RBM18: variants seen among roughly 807,000 people sequenced by gnomAD.
RBM18 encodes probable RNA-binding protein 18.
RBM18 carries 18 observed loss-of-function variants against 26.4 expected under a neutral mutation model. The observed-to-expected ratio is 0.68, with a 90% confidence interval of 0.47 to 1.01. The LOEUF is 1.01. Among genes scored for constraint, RBM18 ranks in the 50% least tolerant of loss-of-function variants. The pLI, the probability that RBM18 is intolerant of heterozygous loss-of-function variation, is 0.00. For synonymous variants in RBM18, 74 were observed against 81.1 expected, an observed-to-expected ratio of 0.91 and a Z score of 0.47; for missense variants, 180 against 219.2, an observed-to-expected ratio of 0.82 and a Z score of 1.13.
chr9:122,252,065 C>T (rs1588383042), intron 2 of RBM18, 92 bp from the exon 3 acceptor site: 1 of 1,541,094 alleles, frequency 6.5e-7, no homozygotes, highest in African/African-American at 1.4e-5. Context: ...ATAATTTACC[C>T]CAGGGATGAA....
At chr9:122,263,054 G>C (rs1831842866) in intron 1 of RBM18, among the ~76,000 whole-genome samples, 1 of 152,174 alleles carries the variant, frequency 6.6e-6, no homozygotes, top group African/African-American at 2.4e-5. Context: ...TCAGAGTTCA[G>C]AAGTCCCTGC....
At chr9:122,256,419 G>A (rs1447459757) in intron 2 of RBM18, among the ~76,000 whole-genome samples, 1 of 152,048 alleles carries the variant, frequency 6.6e-6, no homozygotes. Context: ...TACGACTTTG[G>A]CATTTTACAC....
At chr9:122,254,069 C>CA (rs899725545) in intron 2 of RBM18, among the ~76,000 whole-genome samples, 6 of 150,474 alleles carry the variant, frequency 4.0e-5, no homozygotes, top group Non-Finnish European at 5.9e-5. Context: ...CACACACACA[C>CA]AAAAAAAACA....
chr9:122,254,119 T>G (rs1222812123), intron 2 of RBM18, among the ~76,000 whole-genome samples: 2 of 151,882 alleles, frequency 1.3e-5, no homozygotes, highest in Non-Finnish European at 2.9e-5. Context: ...GGTCATCTTT[T>G]CATTAGCTCC....
At chr9:122,249,494 C>T (rs1291728153) in intron 3 of RBM18, among the ~76,000 whole-genome samples, 1 of 152,102 alleles carries the variant, frequency 6.6e-6, no homozygotes, top group African/African-American at 2.4e-5. Context: ...AGGCTGGTTG[C>T]TTGAGCCCAG....
At chr9:122,260,095 C>T (rs954353858) in intron 2 of RBM18, among the ~76,000 whole-genome samples, 3 of 152,088 alleles carry the variant, frequency 2.0e-5, no homozygotes, top group African/African-American at 7.2e-5. Context: ...GTCTGTAATC[C>T]CAGCACTTTG....
chr9:122,246,170 TA>T (rs1831502763), intron 4 of RBM18, among the ~76,000 whole-genome samples: 1 of 152,202 alleles, frequency 6.6e-6, no homozygotes, highest in Non-Finnish European at 1.5e-5. Flanking sequence ...TTTATTCTTT[TA>T]AAATTTTATT....
At chr9:122,257,897 CAGGAAAGCTGGAGGA>C (rs1487992379) in intron 2 of RBM18, among the ~76,000 whole-genome samples, 5 of 152,130 alleles carry the variant, frequency 3.3e-5, no homozygotes, top group African/African-American at 1.2e-4. Flanking sequence ...TAGGTTTAAA[CAGGAAAGCTGGAGGA>C]TGCTCTGCAA....
At chr9:122,260,905 AAAGGGACATGATTTCT>A (rs1392465076) in intron 2 of RBM18, among the ~76,000 whole-genome samples, 1 of 152,186 alleles carries the variant, frequency 6.6e-6, no homozygotes, top group East Asian at 1.9e-4. Flanking sequence ...AATGAAAACC[AAAGGGACATGATTTCT>A]AAGGTTCCTT....
At chr9:122,243,718 C>T (rs1451712400) in intron 5 of RBM18, 1 of 985,062 alleles carries the variant, frequency 1.0e-6, no homozygotes, top group Non-Finnish European at 1.2e-6. Flanking sequence ...AACTAAGTTA[C>T]AAGAAAAAGA....
chr9:122,257,880 T>C (rs531970011), intron 2 of RBM18, among the ~76,000 whole-genome samples: 56 of 152,238 alleles, frequency 3.7e-4, no homozygotes, highest in Non-Finnish European at 7.4e-4. Context: ...AATTTGTGGA[T>C]AGAAGGTAGG....
Position 122,241,985 on chromosome 9 carries a change from C to T in RBM18, c.472G>A (p.Asp158Asn). The T allele has an allele frequency of 1.9e-6, 3 of 1,614,048 alleles. No individual in the cohort carries two copies. Among genetic ancestry groups the T allele is most frequent in the East Asian group, 4.5e-5 (2 of 44,866 alleles). Residue 158 changes from aspartate (D) to asparagine (N), a missense_variant, in exon 6 of 6, where the codon GAT (aspartate) becomes AAT (asparagine). Physicochemically the swap from Asp to Asn is conservative, Grantham distance 23. This residue lies in a region of RBM18 where 103 missense variants were observed against 102.8 expected (regional missense o/e 1.00). Coordinates refer to ENST00000417201, the MANE Select transcript of RBM18 (RefSeq NM_033117.4). ...ACAGGCGCTGCTGGATACTCTGCAT[C>T]AGGATTTTCCGCCATCATTTTCAGT... ...AKLKMMAENP[D>N]AEYPAAPVYS...
intron 2 of RBM18, among the ~76,000 whole-genome samples, chr9:122,253,804 T>C (rs549484356): frequency 2.1e-4 from 32 of 150,978 alleles, no homozygotes; most frequent in African/African-American, 6.6e-4. Context: ...GGTGGGTGGA[T>C]TGCCTGAGGT....
chr9:122,258,655 G>T (rs1443739803), intron 2 of RBM18, among the ~76,000 whole-genome samples: 1 of 152,008 alleles, frequency 6.6e-6, no homozygotes, highest in Non-Finnish European at 1.5e-5. Flanking sequence ...GAATCCATAG[G>T]ATGGCCAGGC....
intron 4 of RBM18, 53 bp downstream of exon 4, chr9:122,247,465 C>T (rs1487368295): frequency 1.3e-6 from 2 of 1,485,740 alleles, no homozygotes; most frequent in Admixed American, 3.3e-5. Flanking sequence ...AACCATCTTT[C>T]AGAAGGCTTG....
In RBM18 at chr9:122,247,560, C is replaced by T. The variant is rs545341749; in HGVS notation, c.285G>A (p.Leu95=). Residue 95 remains leucine, a synonymous_variant, in exon 4 of 6, where the codon CTG becomes CTA. Coordinates refer to ENST00000417201, the MANE Select transcript of RBM18 (RefSeq NM_033117.4). ...AIQCLNGKLA[L]SKKLVVRWAH... Reference sequence around the variant, plus strand: ...CCCATCGCACCACCAGCTTCTTGGACAGGGCCAACTTGCCATTGAGACACT... The same window carrying T: ...CCCATCGCACCACCAGCTTCTTGGATAGGGCCAACTTGCCATTGAGACACT... 6.2e-7 allele frequency: 1 copy of T among 1,614,024 alleles called. No individual in the cohort carries two copies. The highest frequency in any genetic ancestry group is 2.2e-5 in the East Asian group (1 of 44,862).
chr9:122,245,360 G>C lies in RBM18; in HGVS notation c.328-19C>G, dbSNP rs770318606. 2.0e-6 allele frequency: 3 copies of C among 1,515,544 alleles called. No individual in the cohort carries two copies. The African/African-American group carries it at 4.1e-5, about 21-fold the overall frequency. 93.9% of individuals were successfully genotyped at this position (1,515,544 alleles called of 1,614,324 possible). On this transcript the variant is annotated intron_variant, in intron 4 of 5. Transcript: ENST00000417201. ...CATATCTCTGAAAATGAGAAATAGA[G>C]AAATTACTTCACATGGGCAGAAACC...
chr9:122,261,056 C>G (rs902629741), intron 2 of RBM18, among the ~76,000 whole-genome samples: 6 of 151,912 alleles, frequency 3.9e-5, no homozygotes, highest in Admixed American at 2.0e-4. Context: ...CAAATGTATT[C>G]CCAAGGCTGA....
In RBM18 at chr9:122,239,682, T is replaced by C. The variant is rs998780851; in HGVS notation, c.*2202A>G. 4 of 152,240 alleles carry C rather than the reference T, an allele frequency of 2.6e-5. No individual in the cohort carries two copies. The highest frequency in any genetic ancestry group is 5.9e-5 in the Non-Finnish European group (4 of 68,044). The allele number at this position is 152,240 out of a possible 1,614,324, so 9.4% of individuals were successfully genotyped here. A position where few individuals can be genotyped will look rare whatever the true frequency, so the allele number is the denominator to read the frequency against. On this transcript the variant is annotated 3_prime_UTR_variant, in exon 6 of 6. Coordinates refer to ENST00000417201, the MANE Select transcript of RBM18 (RefSeq NM_033117.4). ...TTTCAGCATATTTAGGATACATACATTTCTTCTTTTGAAATCTCTACCACG... is the reference window on the plus strand; with the variant it reads ...TTTCAGCATATTTAGGATACATACACTTCTTCTTTTGAAATCTCTACCACG...
Sources: allele counts gnomAD v4.1 joint callset (sites outside exome capture counted in the v4.1 genomes callset), GRCh38; gene constraint gnomAD v4.1.1; regional missense constraint gnomAD v4.1.1; transcripts MANE v1.5; gene names NCBI Gene and HGNC (gene_info 2026-07-23, HGNC 2026-07-21).